CDH12: variants seen among roughly 807,000 people sequenced by gnomAD.
The protein encoded by CDH12 is cadherin-12.
CDH12 carries 41 observed loss-of-function variants against 74.1 expected under a neutral mutation model. The ratio of observed to expected loss-of-function variants is 0.55; its 90% confidence interval spans 0.43 to 0.72. CDH12 has a LOEUF of 0.72. Ranked by LOEUF, CDH12 falls within the 30% of genes least tolerant of loss-of-function variation. The probability of loss-of-function intolerance (pLI) is 0.00; values close to 1 mark genes in which losing one functional copy is unlikely to be tolerated. For missense variants in CDH12, 945 were observed against 977.2 expected (o/e 0.97, Z 0.44); for synonymous variants, 399 against 355.0 (o/e 1.12, Z -1.39).
chr5:22,410,073 C>T (rs955509018), intron 2 of CDH12, among the ~76,000 whole-genome samples: 5 of 151,950 alleles, frequency 3.3e-5, no homozygotes, highest in East Asian at 3.9e-4. Context: ...GTAAAAATGA[C>T]AGGATAAAAA....
rs948638486 is a variant in CDH12, at chr5:22,340,330, T to C, written c.-333+64927A>G. 2.0e-5 allele frequency among the ~76,000 whole-genome samples: 3 copies of C among 152,108 alleles called. No individual in the cohort carries two copies. The South Asian group carries it at 6.2e-4, about 32-fold the overall frequency. On this transcript the variant is annotated intron_variant, in intron 3 of 14. Transcript: ENST00000382254. ...TCACAAGGTCAGGAGATTGAGACCA[T>C]CCTGGCTAACAAGGTGAAACCCCAT...
chr5:22,030,709 A>G (rs1454226531), intron 5 of CDH12, among the ~76,000 whole-genome samples: 1 of 152,210 alleles, frequency 6.6e-6, no homozygotes, highest in African/African-American at 2.4e-5. Context: ...CTTTGAAGCC[A>G]GGCATTGACT....
At chr5:21,784,447 A>C (rs1403469987) in intron 10 of CDH12, among the ~76,000 whole-genome samples, 1 of 152,286 alleles carries the variant, frequency 6.6e-6, no homozygotes, top group East Asian at 1.9e-4. Flanking sequence ...AGAGACATGA[A>C]GGAATTTGTC....
chr5:22,539,098 A>G (rs1397881010), intron 1 of CDH12, among the ~76,000 whole-genome samples: 1 of 152,220 alleles, frequency 6.6e-6, no homozygotes, highest in Non-Finnish European at 1.5e-5. Flanking sequence ...AAAGTGATCT[A>G]AACAGTTATA....
chr5:21,787,437 A>C (rs1746257309), intron 10 of CDH12, among the ~76,000 whole-genome samples: 1 of 152,150 alleles, frequency 6.6e-6, no homozygotes, highest in Admixed American at 6.6e-5. Context: ...GCAATAAAAT[A>C]TTTTTAACTA....
intron 3 of CDH12, among the ~76,000 whole-genome samples, chr5:22,400,109 C>A (rs1184924777): frequency 6.6e-6 from 1 of 152,134 alleles, no homozygotes; most frequent in Non-Finnish European, 1.5e-5. Flanking sequence ...TACTTCCCCC[C>A]TTTCTAGTGG....
chr5:22,025,903 A>G (rs1738317434), intron 5 of CDH12, among the ~76,000 whole-genome samples: 1 of 152,158 alleles, frequency 6.6e-6, no homozygotes, highest in Admixed American at 6.6e-5. Flanking sequence ...AGATTGCAGC[A>G]ATTCAGTCCT....
intron 1 of CDH12, among the ~76,000 whole-genome samples, chr5:22,685,775 C>T (rs1741759866): frequency 6.6e-6 from 1 of 152,158 alleles, no homozygotes; most frequent in South Asian, 2.1e-4. Context: ...GGATAGAACA[C>T]ATCGTGTTTA....
At chr5:22,565,789 T>C (rs1739255503) in intron 1 of CDH12, among the ~76,000 whole-genome samples, 1 of 152,184 alleles carries the variant, frequency 6.6e-6, no homozygotes, top group African/African-American at 2.4e-5. Context: ...TGATCTGTAG[T>C]CTCCTACATT....
intron 1 of CDH12, among the ~76,000 whole-genome samples, chr5:22,620,026 C>G (rs1737892600): frequency 1.3e-5 from 2 of 151,996 alleles, no homozygotes; most frequent in African/African-American, 4.8e-5. Flanking sequence ...ATCATTTTAC[C>G]TCCAATGATA....
chr5:22,683,217 T>C (rs1741587415), intron 1 of CDH12, among the ~76,000 whole-genome samples: 1 of 152,172 alleles, frequency 6.6e-6, no homozygotes, highest in East Asian at 1.9e-4. Context: ...GCCAATGTGA[T>C]GGTAACGTTT....
intron 5 of CDH12, among the ~76,000 whole-genome samples, chr5:22,060,574 A>G (rs1337420115): frequency 6.6e-6 from 1 of 152,148 alleles, no homozygotes; most frequent in East Asian, 1.9e-4. Context: ...GAAGATATTT[A>G]AATGATTTCT....
At chr5:22,275,298 A>T (rs1736584926) in intron 3 of CDH12, among the ~76,000 whole-genome samples, 2 of 152,034 alleles carry the variant, frequency 1.3e-5, no homozygotes, top group African/African-American at 4.8e-5. Context: ...TACAATAATA[A>T]AAAAAAGGAA....
chr5:22,328,670 TAAG>T (rs760139972), intron 3 of CDH12, among the ~76,000 whole-genome samples: 1 of 152,056 alleles, frequency 6.6e-6, no homozygotes, highest in Non-Finnish European at 1.5e-5. Context: ...TCTAAAGATG[TAAG>T]AAGGAGAGAA....
intron 6 of CDH12, among the ~76,000 whole-genome samples, chr5:21,915,451 G>A (rs1754043583): frequency 6.6e-6 from 1 of 152,108 alleles, no homozygotes; most frequent in Non-Finnish European, 1.5e-5. Context: ...TAACTATGGG[G>A]CAAGTTAATA....
chr5:22,598,657 C>T (rs575036735), intron 1 of CDH12, among the ~76,000 whole-genome samples: 2 of 152,284 alleles, frequency 1.3e-5, no homozygotes, highest in South Asian at 2.1e-4. Context: ...ATAAAGCTTG[C>T]TTATAATCTA....
chr5:21,898,896 G>C (rs901359206), intron 6 of CDH12, among the ~76,000 whole-genome samples: 6 of 151,824 alleles, frequency 4.0e-5, no homozygotes, highest in East Asian at 1.9e-4. Flanking sequence ...AAACAAAAAT[G>C]AGTTGATCTA....
intron 10 of CDH12, among the ~76,000 whole-genome samples, chr5:21,795,967 G>C (rs1250705132): frequency 3.3e-5 from 5 of 151,950 alleles, no homozygotes; most frequent in Non-Finnish European, 4.4e-5. Flanking sequence ...GATCATTTTT[G>C]TGGAAACAGG....
At chr5:21,764,146 A>G (rs1289819851) in intron 12 of CDH12, among the ~76,000 whole-genome samples, 1 of 152,030 alleles carries the variant, frequency 6.6e-6, no homozygotes, top group Non-Finnish European at 1.5e-5. Context: ...AGGCCGAGGC[A>G]GGCGGATCAC....
Sources: allele counts gnomAD v4.1 joint callset (sites outside exome capture counted in the v4.1 genomes callset), GRCh38; gene constraint gnomAD v4.1.1; transcripts MANE v1.5; gene names NCBI Gene and HGNC (gene_info 2026-07-23, HGNC 2026-07-21).